TNS1: variants seen among roughly 807,000 people sequenced by gnomAD.
TNS1 encodes the protein tensin 1, also known as tensin-1.
TNS1 carries 62 observed loss-of-function variants against 168.6 expected under a neutral mutation model. That is an observed-to-expected ratio of 0.37 (90% CI 0.30 to 0.45). TNS1 has a LOEUF of 0.45. Among genes scored for constraint, TNS1 ranks in the 20% least tolerant of loss-of-function variants. The pLI, the probability that TNS1 is intolerant of heterozygous loss-of-function variation, is 1.00. For synonymous variants in TNS1, 934 were observed against 933.2 expected, an observed-to-expected ratio of 1.00 and a Z score of -0.02; for missense variants, 2,240 against 2,339.4, an observed-to-expected ratio of 0.96 and a Z score of 0.88.
chr2:217,806,705 A>G (rs1324188208), intron 32 of TNS1, among the ~76,000 whole-genome samples: 1 of 152,190 alleles, frequency 6.6e-6, no homozygotes, highest in Non-Finnish European at 1.5e-5. Flanking sequence ...GCCTCTCCTA[A>G]GCTACCATCA....
At chr2:217,992,170 G>T (rs1022850948) in intron 1 of TNS1, among the ~76,000 whole-genome samples, 1 of 152,140 alleles carries the variant, frequency 6.6e-6, no homozygotes, top group Non-Finnish European at 1.5e-5. Flanking sequence ...AGCATCCCCT[G>T]CCCCAGGCAC....
chr2:217,835,994 A>G (rs747847418), intron 20 of TNS1, 21 bp downstream of exon 20: 5 of 1,600,892 alleles, frequency 3.1e-6, no homozygotes, highest in Middle Eastern at 1.7e-4. Flanking sequence ...CATAGCCCCA[A>G]GATACAGCTT....
intron 18 of TNS1, among the ~76,000 whole-genome samples, chr2:217,855,410 C>T (rs182431501): frequency 2.6e-4 from 40 of 152,346 alleles, no homozygotes; most frequent in Non-Finnish European, 1.8e-4. Flanking sequence ...TCCCTACTGT[C>T]CTCCAGACTC....
chr2:217,956,035 C>A (rs367907693), intron 3 of TNS1, among the ~76,000 whole-genome samples: 3 of 152,062 alleles, frequency 2.0e-5, no homozygotes, highest in South Asian at 2.1e-4. Flanking sequence ...TGAGCCCCCC[C>A]ACCAAGTCCC....
At chr2:218,000,277 C>T (rs888651100) in intron 1 of TNS1, among the ~76,000 whole-genome samples, 6 of 152,226 alleles carry the variant, frequency 3.9e-5, no homozygotes, top group Non-Finnish European at 8.8e-5. Flanking sequence ...CATACAGGAA[C>T]ATGTGAACCA....
At chr2:217,940,613 C>T (rs189377833) in intron 3 of TNS1, among the ~76,000 whole-genome samples, 2 of 152,282 alleles carry the variant, frequency 1.3e-5, no homozygotes, top group East Asian at 1.9e-4. Context: ...AGTTAGACAT[C>T]GGAAAGGACC....
At position 217,831,942 on chromosome 2, in the gene TNS1, A is replaced by AACACACACACAC. The variant is rs66652637; in HGVS notation, c.3281-407_3281-396dup. On this transcript the variant is annotated intron_variant, in intron 21 of 32. Transcript: ENST00000682258. ...CTCATCCCTCTTCCTACCCTCACCC[A>AACACACACACAC]ACACACACACACACACACACACACA... 3.9e-3 allele frequency among the ~76,000 whole-genome samples: 577 copies of AACACACACACAC among 146,280 alleles called. 6 individuals carry two copies. Among genetic ancestry groups the AACACACACACAC allele is most frequent in the African/African-American group, 0.013 (518 of 39,578 alleles).
At chr2:217,865,008 T>C (rs1480965515) in intron 18 of TNS1, among the ~76,000 whole-genome samples, 1 of 152,130 alleles carries the variant, frequency 6.6e-6, no homozygotes, top group Non-Finnish European at 1.5e-5. Context: ...GAGGTGGCTA[T>C]GACTACAGGG....
chr2:218,022,170 G>A (rs1432256873), intron 1 of TNS1, among the ~76,000 whole-genome samples: 1 of 152,102 alleles, frequency 6.6e-6, no homozygotes, highest in Non-Finnish European at 1.5e-5. Flanking sequence ...GAGGGGGCAG[G>A]AGAGGGAGAG....
At chr2:217,809,440 G>T (rs376092390) in intron 30 of TNS1, among the ~76,000 whole-genome samples, 1 of 107,984 alleles carries the variant, frequency 9.3e-6, no homozygotes, top group Non-Finnish European at 1.9e-5. Context: ...TGGATGGATG[G>T]ATGGATGGAT....
At chr2:217,824,014 C>G (rs1943254999) in intron 22 of TNS1, among the ~76,000 whole-genome samples, 1 of 152,222 alleles carries the variant, frequency 6.6e-6, no homozygotes, top group Admixed American at 6.5e-5. Flanking sequence ...TGACCAGGCC[C>G]AGTACACTTT....
chr2:217,886,922 A>G (rs183465672), intron 12 of TNS1, among the ~76,000 whole-genome samples: 41 of 152,242 alleles, frequency 2.7e-4, no homozygotes, highest in African/African-American at 9.1e-4. Context: ...GGTGGTCAAC[A>G]TGAATATCTC....
chr2:217,987,434 G>A (rs867426737), intron 2 of TNS1, among the ~76,000 whole-genome samples: 2 of 152,146 alleles, frequency 1.3e-5, no homozygotes, highest in African/African-American at 4.8e-5. Flanking sequence ...ACCAGGACCA[G>A]ACCCCAGGTT....
intron 18 of TNS1, among the ~76,000 whole-genome samples, chr2:217,878,616 C>T (rs1442649387): frequency 6.6e-6 from 1 of 152,234 alleles, no homozygotes; most frequent in East Asian, 1.9e-4. Context: ...GCCTGACACA[C>T]TGGCCACAGC....
intron 28 of TNS1, among the ~76,000 whole-genome samples, chr2:217,810,620 A>G (rs1940679068): frequency 6.6e-6 from 1 of 152,210 alleles, no homozygotes; most frequent in Non-Finnish European, 1.5e-5. Context: ...TGGGTTTTTG[A>G]GCGACTCCAT....
intron 3 of TNS1, among the ~76,000 whole-genome samples, chr2:217,931,101 C>T (rs1023056752): frequency 1.3e-5 from 2 of 152,162 alleles, no homozygotes; most frequent in African/African-American, 4.8e-5. Context: ...ATGAGGATGG[C>T]CCCGCCCGGG....
At chr2:217,893,385 CGCATGT>C in intron 10 of TNS1, 48 bp downstream of exon 10, 1 of 1,520,552 alleles carries the variant, frequency 6.6e-7, no homozygotes, top group East Asian at 2.3e-5. Context: ...CACACATGTG[CGCATGT>C]GCGCGCGCGC....
rs528489515 is a variant in TNS1 at position 217,897,091 on chromosome 2, A to G, written c.543+707T>C. On this transcript the variant is annotated intron_variant, in intron 8 of 32. Transcript: ENST00000682258. ...ATGCAGCCTCCTACATCCCACCTCA[A>G]ACACCCTGGGGACAGCCACCTGAGG... Among the ~76,000 whole-genome samples the G allele has an allele frequency of 1.3e-4, 20 of 152,252 alleles. 1 individual carries two copies. Among genetic ancestry groups the G allele is most frequent in the Admixed American group, 1.0e-3 (16 of 15,298 alleles).
chr2:217,801,946 A>G lies in TNS1; in HGVS notation c.*2513T>C, dbSNP rs1937532217. On this transcript the variant is annotated 3_prime_UTR_variant, in exon 33 of 33. Coordinates refer to ENST00000682258, the MANE Select transcript of TNS1 (RefSeq NM_001387777.1). The stretch of plus-strand genomic sequence containing the variant: ...GCTGGAGTGGAGGGGCTGGCCATGC[A>G]TGCAAGGTGGGCTGTGGTGGGTGGT... 1 of 151,858 alleles carries G rather than the reference A, an allele frequency of 6.6e-6. No homozygotes were observed. Among genetic ancestry groups the G allele is most frequent in the Non-Finnish European group, 1.5e-5 (1 of 68,010 alleles). 9.4% of individuals were successfully genotyped at this position (151,858 alleles called of 1,614,324 possible).
Sources: gnomAD v4.1 joint callset for allele counts (sites outside exome capture counted in the v4.1 genomes callset) on GRCh38, gnomAD v4.1.1 for gene constraint, MANE v1.5 for transcripts, NCBI Gene and HGNC (gene_info 2026-07-23, HGNC 2026-07-21) for gene names.